Variants in ZDHHC11B observed in about 807,000 individuals in gnomAD.
ZDHHC11B encodes zDHHC palmitoyltransferase 11B (putative).
A neutral mutation model predicts 42.3 loss-of-function variants in ZDHHC11B; 17 were observed. The ratio of observed to expected loss-of-function variants is 0.40; its 90% CI spans 0.27 to 0.60. ZDHHC11B has a LOEUF of 0.60. Among genes scored for constraint, ZDHHC11B ranks in the 20% least tolerant of loss-of-function variants. The pLI is 0.41. For synonymous variants in ZDHHC11B, 123 were observed against 193.5 expected (o/e 0.64, Z 3.02); for missense variants, 262 against 463.2 (o/e 0.57, Z 3.99).
At chr5:722,233 T>G (rs186454460) in intron 12 of ZDHHC11B, among the ~76,000 whole-genome samples, 68 of 151,986 alleles carry the variant, frequency 4.5e-4, no homozygotes, top group African/African-American at 1.6e-3. Flanking sequence ...ATGATCTGGT[T>G]TCTAGAATGG....
At chr5:729,727 C>G (rs1489489512) in intron 12 of ZDHHC11B, among the ~76,000 whole-genome samples, 2 of 151,520 alleles carry the variant, frequency 1.3e-5, no homozygotes, top group Admixed American at 6.6e-5. Flanking sequence ...TATAAAGCTG[C>G]TTTTCAAAAT....
intron 1 of ZDHHC11B, among the ~76,000 whole-genome samples, chr5:770,619 G>A (rs1419713083): frequency 6.6e-6 from 1 of 152,142 alleles, no homozygotes; most frequent in Non-Finnish European, 1.5e-5. Flanking sequence ...CACAGCAGTC[G>A]TGCGACAGCC....
chr5:739,340 G>A (rs1743900395), intron 10 of ZDHHC11B, among the ~76,000 whole-genome samples: 1 of 151,528 alleles, frequency 6.6e-6, no homozygotes, highest in African/African-American at 2.4e-5. Context: ...AGAGGCTTCA[G>A]CGAGCCAAGA....
intron 1 of ZDHHC11B, among the ~76,000 whole-genome samples, chr5:774,412 G>T (rs1736296313): frequency 1.3e-5 from 2 of 152,202 alleles, no homozygotes; most frequent in Non-Finnish European, 2.9e-5. Flanking sequence ...TAGGAACAGG[G>T]GTCTCGCACT....
At chr5:766,221 C>A (rs1334621282) in intron 4 of ZDHHC11B, among the ~76,000 whole-genome samples, 1 of 151,780 alleles carries the variant, frequency 6.6e-6, no homozygotes, top group Non-Finnish European at 1.5e-5. Flanking sequence ...GAGGTGAGAG[C>A]AGATGCAGGT....
intron 8 of ZDHHC11B, among the ~76,000 whole-genome samples, chr5:746,914 G>A (rs1459040084): frequency 7.2e-5 from 9 of 125,636 alleles, no homozygotes; most frequent in Non-Finnish European, 1.0e-4. Context: ...ATGTGGCCTC[G>A]GCCCAACCTC....
intron 1 of ZDHHC11B, among the ~76,000 whole-genome samples, chr5:771,552 A>G (rs1306801873): frequency 6.6e-6 from 1 of 151,396 alleles, no homozygotes; most frequent in Non-Finnish European, 1.5e-5. Flanking sequence ...CTGGGGGTGG[A>G]AAGGCTGGGT....
chr5:733,040 G>A (rs1272711356), intron 11 of ZDHHC11B, among the ~76,000 whole-genome samples: 2 of 151,606 alleles, frequency 1.3e-5, no homozygotes. Flanking sequence ...TTGGGTGATG[G>A]AGTGAGATCT....
At chr5:714,972 CT>C (rs1362117379) in intron 13 of ZDHHC11B, among the ~76,000 whole-genome samples, 2 of 151,180 alleles carry the variant, frequency 1.3e-5, no homozygotes, top group Non-Finnish European at 2.9e-5. Context: ...AGCCCTTCGC[CT>C]CCTCTCTCTC....
At chr5:761,625 G>T (rs1418676898) in intron 4 of ZDHHC11B, among the ~76,000 whole-genome samples, 4 of 151,812 alleles carry the variant, frequency 2.6e-5, no homozygotes, top group Non-Finnish European at 5.9e-5. Flanking sequence ...GGACACGTGG[G>T]TTGCCACGTT....
intron 11 of ZDHHC11B, among the ~76,000 whole-genome samples, chr5:733,063 A>G (rs1204773863): frequency 6.6e-6 from 1 of 151,570 alleles, no homozygotes; most frequent in African/African-American, 2.4e-5. Context: ...TCTCTAAAAA[A>G]TAAATAATGA....
rs544503058 is a variant in ZDHHC11B, at chr5:751,173, G to C, written c.588C>G (p.Leu196=). The change falls in exon 7 of 14, where the codon CTC becomes CTG. Residue 196 remains leucine (L), a synonymous_variant. Coordinates refer to ENST00000508859, the MANE Select transcript of ZDHHC11B (RefSeq NM_001351303.2). ...CCGTGCGGAGCACCCTGGGGTTCACGAGGTACTGGACGAGGACATACAGCA... is the reference window on the plus strand; with the variant it reads ...CCGTGCGGAGCACCCTGGGGTTCACCAGGTACTGGACGAGGACATACAGCA... The part of the protein sequence containing the change: ...AILLYVLVQY[L]VNPRVLRTDP... 108 of 1,307,110 alleles carry C rather than the reference G, an allele frequency of 8.3e-5. 15 individuals are homozygous for C. In the East Asian group the frequency reaches 1.9e-3, roughly 23 times the overall value. The allele number at this position is 1,307,110 out of a possible 1,614,324, so 81.0% of individuals were successfully genotyped here.
chr5:720,554 A>G (rs1429668668), intron 12 of ZDHHC11B, among the ~76,000 whole-genome samples: 1 of 151,916 alleles, frequency 6.6e-6, no homozygotes, highest in East Asian at 1.9e-4. Context: ...AAATGAAGAG[A>G]CATTAGACAG....
At position 754,321 on chromosome 5, in the gene ZDHHC11B, A is replaced by G. The variant is rs1452410084; in HGVS notation, c.503+677T>C. Among the ~76,000 whole-genome samples, 39 of 116,306 alleles carry G rather than the reference A, an allele frequency of 3.4e-4. 2 individuals are homozygous for G. Among genetic ancestry groups the G allele is most frequent in the African/African-American group, 4.7e-4 (16 of 33,852 alleles). The allele number at this position is 116,306 out of a possible 152,430, so 76.3% of individuals were successfully genotyped here. ...CACCTCTCGCCTATGAGCCTCCACC[A>G]CGCTCAGGGGAAAGACCTCTCATCT... is the stretch of plus-strand genomic sequence containing the variant. On this transcript the variant is annotated intron_variant, in intron 6 of 13. Coordinates refer to ENST00000508859, the MANE Select transcript of ZDHHC11B (RefSeq NM_001351303.2).
chr5:746,535 G>A (rs1403754041), intron 8 of ZDHHC11B, among the ~76,000 whole-genome samples: 3 of 133,370 alleles, frequency 2.2e-5, no homozygotes, highest in African/African-American at 7.5e-5. Context: ...TTGCGTTCAA[G>A]AAGCCCGTTC....
chr5:721,846 T>C (rs1742213010), intron 12 of ZDHHC11B, among the ~76,000 whole-genome samples: 1 of 151,678 alleles, frequency 6.6e-6, no homozygotes. Flanking sequence ...GGAAGTAAGA[T>C]GATAAGAAAT....
rs1322689437 is a variant in ZDHHC11B at position 720,387 on chromosome 5, G to A, written c.1059-3522C>T. Among the ~76,000 whole-genome samples, 4 of 151,882 alleles carry A rather than the reference G, an allele frequency of 2.6e-5. No individual in the cohort carries two copies. The East Asian group carries it at 7.7e-4, about 29-fold the overall frequency. On this transcript the variant is annotated intron_variant, in intron 12 of 13. Transcript: ENST00000508859. ...GGTGACATATTTAAATGCCCTGGAA[G>A]GTGGAAAATACCTGGCAACCAAGAG...
At chr5:748,124 C>T (rs1490458174) in intron 8 of ZDHHC11B, 9 of 541,280 alleles carry the variant, frequency 1.7e-5, no homozygotes, top group Admixed American at 3.5e-5. Context: ...TTACTTCAAG[C>T]ACCCGGCAGC....
rs534800197 is a variant in ZDHHC11B at position 767,436 on chromosome 5, G to A, written c.-45C>T. On this transcript the variant is annotated 5_prime_UTR_variant, in exon 3 of 14. Transcript: ENST00000508859. The stretch of plus-strand genomic sequence containing the variant: ...CTGTCTCATCTCCGTAGGCTGAGTA[G>A]AGCAGCTCCAACTCGTCCGACTTCA... The A allele has an allele frequency of 1.5e-4, 235 of 1,580,742 alleles. 4 individuals are homozygous for A. The highest frequency in any genetic ancestry group is 2.0e-4 in the Non-Finnish European group (227 of 1,156,344).
Sources: allele counts gnomAD v4.1 joint callset (sites outside exome capture counted in the v4.1 genomes callset), GRCh38; gene constraint gnomAD v4.1.1; transcripts MANE v1.5; gene names NCBI Gene and HGNC (gene_info 2026-07-23, HGNC 2026-07-21).